The following FAM168A variants were observed in gnomAD, a reference collection of about 807,000 sequenced individuals.
FAM168A encodes the protein protein FAM168A.
Under a neutral mutation model 28.5 loss-of-function variants are expected in FAM168A, and 3 were observed. The observed-to-expected ratio is 0.11, with a 90% CI of 0.05 to 0.27. The LOEUF (loss-of-function observed/expected upper bound fraction) is 0.27, where lower values mean the gene tolerates loss of function less well. FAM168A is among the 10% of genes least tolerant of loss of function. The pLI, the probability that FAM168A is intolerant of heterozygous loss-of-function variation, is 1.00. For synonymous variants in FAM168A, 122 were observed against 124.2 expected (o/e 0.98, Z 0.12); for missense variants, 222 against 311.5 (o/e 0.71, Z 2.16).
At chr11:73,537,751 GTTAGCTTATCAGAAAGTAT>G (rs1037065570) in intron 1 of FAM168A, among the ~76,000 whole-genome samples, 1 of 152,114 alleles carries the variant, frequency 6.6e-6, no homozygotes, top group African/African-American at 2.4e-5. Context: ...ATTGTGTTAT[GTTAGCTTATCAGAAAGTAT>G]TTCTCAGTCT....
At chr11:73,426,703 C>CTGTGTGTGTGTGTGTG (rs34499254) in intron 3 of FAM168A, among the ~76,000 whole-genome samples, 4,099 of 144,236 alleles carry the variant, frequency 0.028, 68 homozygotes, top group Non-Finnish European at 0.037. Flanking sequence ...CCAAAATATG[C>CTGTGTGTGTGTGTGTG]TGTGTGTGTG....
At position 73,544,792 on chromosome 11, in the gene FAM168A, A is replaced by T. The variant is rs1196514089; in HGVS notation, c.-19+53131T>A. Among the ~76,000 whole-genome samples the T allele has an allele frequency of 3.0e-4, 33 of 109,326 alleles. No homozygotes were observed. The East Asian group carries it at 7.2e-3, about 24-fold the overall frequency. 71.7% of individuals were successfully genotyped at this position (109,326 alleles called of 152,430 possible). A position where few individuals can be genotyped will look rare whatever the true frequency, so the allele number is the denominator to read the frequency against. The stretch of plus-strand genomic sequence containing the variant: ...ATAATTATATATAATTATATATTTT[A>T]TATATGTAATTATATATCATATATA... On this transcript the variant is annotated intron_variant, in intron 1 of 7. Coordinates refer to ENST00000356467, the MANE Select transcript of FAM168A (RefSeq NM_015159.3).
chr11:73,543,349 C>T lies in FAM168A; in HGVS notation c.-19+54574G>A, dbSNP rs1352282045. 7.3e-5 allele frequency among the ~76,000 whole-genome samples: 11 copies of T among 150,636 alleles called. No individual in the cohort carries two copies. In the South Asian group the frequency reaches 1.0e-3, roughly 14 times the overall value. On this transcript the variant is annotated intron_variant, in intron 1 of 7. Transcript: ENST00000356467. The stretch of plus-strand genomic sequence containing the variant: ...CACAATCTCAGCTCACTGCAACCTC[C>T]GCCTCCCAGGTTCAAGCAATTCTGC...
chr11:73,496,393 C>T (rs1209494821), intron 1 of FAM168A, among the ~76,000 whole-genome samples: 1 of 152,138 alleles, frequency 6.6e-6, no homozygotes, highest in Non-Finnish European at 1.5e-5. Context: ...CTTTCAATGG[C>T]GAAAACTACA....
At chr11:73,492,192 T>C (rs1244104185) in intron 1 of FAM168A, among the ~76,000 whole-genome samples, 1 of 152,188 alleles carries the variant, frequency 6.6e-6, no homozygotes, top group Non-Finnish European at 1.5e-5. Flanking sequence ...GTTCACCGTA[T>C]TTCTTAGAGC....
intron 1 of FAM168A, among the ~76,000 whole-genome samples, chr11:73,484,725 T>G (rs951629896): frequency 1.4e-5 from 2 of 145,100 alleles, no homozygotes; most frequent in South Asian, 2.2e-4. Context: ...TATATATAGA[T>G]ATATATCGAT....
At chr11:73,499,336 C>CA (rs1208186587) in intron 1 of FAM168A, among the ~76,000 whole-genome samples, 5 of 152,010 alleles carry the variant, frequency 3.3e-5, no homozygotes, top group Non-Finnish European at 2.9e-5. Flanking sequence ...TCAACGACAA[C>CA]AAAAAAAGGC....
At chr11:73,425,256 C>T (rs1425135391) in intron 3 of FAM168A, among the ~76,000 whole-genome samples, 1 of 152,178 alleles carries the variant, frequency 6.6e-6, no homozygotes, top group Non-Finnish European at 1.5e-5. Context: ...AGAGCCCCTC[C>T]CTGGATGCCA....
chr11:73,564,959 G>A (rs559810831), intron 1 of FAM168A, among the ~76,000 whole-genome samples: 2 of 152,112 alleles, frequency 1.3e-5, no homozygotes, highest in Admixed American at 6.5e-5. Context: ...GGGTCAGTTA[G>A]CAAATCACCT....
chr11:73,418,693 A>T (rs993302236), intron 4 of FAM168A, among the ~76,000 whole-genome samples: 1 of 152,238 alleles, frequency 6.6e-6, no homozygotes, highest in Non-Finnish European at 1.5e-5. Context: ...TCCAGCCCTC[A>T]CAACTTAAGA....
intron 2 of FAM168A, among the ~76,000 whole-genome samples, chr11:73,449,251 T>C (rs1228636729): frequency 1.3e-5 from 2 of 152,208 alleles, no homozygotes; most frequent in Non-Finnish European, 2.9e-5. Flanking sequence ...ATTACAGGCA[T>C]GAGGCACCGC....
chr11:73,432,079 C>T (rs1867004570), intron 2 of FAM168A, among the ~76,000 whole-genome samples: 1 of 152,156 alleles, frequency 6.6e-6, no homozygotes, highest in African/African-American at 2.4e-5. Context: ...GTTTAAGGTT[C>T]ATCCATGTTG....
chr11:73,499,504 A>G (rs968530452), intron 1 of FAM168A, among the ~76,000 whole-genome samples: 3 of 152,184 alleles, frequency 2.0e-5, no homozygotes, highest in African/African-American at 7.2e-5. Flanking sequence ...TCAAGGGCAC[A>G]GGACTGGACA....
intron 1 of FAM168A, among the ~76,000 whole-genome samples, chr11:73,568,597 A>G (rs1256862687): frequency 1.3e-5 from 2 of 152,218 alleles, no homozygotes; most frequent in African/African-American, 4.8e-5. Flanking sequence ...GAAGAAGGCT[A>G]TTAAGAACTA....
intron 4 of FAM168A, among the ~76,000 whole-genome samples, chr11:73,413,151 T>TGCCCCTGGTGACTTAGCACCCCCC (rs1168075308): frequency 6.6e-6 from 1 of 152,170 alleles, no homozygotes; most frequent in Non-Finnish European, 1.5e-5. Context: ...ATCACACCTC[T>TGCCCCTGGTGACTTAGCACCCCCC]TTGGCTTAGC....
intron 1 of FAM168A, among the ~76,000 whole-genome samples, chr11:73,494,383 T>C (rs1001239625): frequency 9.9e-5 from 15 of 152,152 alleles, no homozygotes; most frequent in African/African-American, 9.7e-5. Flanking sequence ...CCTGTGCTTA[T>C]TGGTTAGTTC....
chr11:73,460,489 G>T (rs1012061179), intron 2 of FAM168A, among the ~76,000 whole-genome samples: 2 of 149,204 alleles, frequency 1.3e-5, no homozygotes, highest in African/African-American at 5.0e-5. Context: ...ATAAACAAAG[G>T]CTACTAATGC....
At chr11:73,466,721 C>T (rs1368449608) in intron 2 of FAM168A, among the ~76,000 whole-genome samples, 3 of 151,846 alleles carry the variant, frequency 2.0e-5, no homozygotes, top group East Asian at 1.9e-4. Flanking sequence ...CATTGTATTA[C>T]GTAGAGTTGA....
chr11:73,541,769 T>C (rs1447591609), intron 1 of FAM168A, among the ~76,000 whole-genome samples: 1 of 152,178 alleles, frequency 6.6e-6, no homozygotes, highest in Non-Finnish European at 1.5e-5. Context: ...ATGAAAATGC[T>C]TTGTGTAAAC....
Sources: gnomAD v4.1 joint callset for allele counts (sites outside exome capture counted in the v4.1 genomes callset) on GRCh38, gnomAD v4.1.1 for gene constraint, MANE v1.5 for transcripts, NCBI Gene and HGNC (gene_info 2026-07-23, HGNC 2026-07-21) for gene names.